The following DLGAP2 variants were observed in gnomAD, a reference collection of about 807,000 sequenced individuals.
The protein encoded by DLGAP2 is DLG associated protein 2.
Under a neutral mutation model 100.3 loss-of-function variants are expected in DLGAP2, and 26 were observed. That is an observed-to-expected ratio of 0.26 (90% CI 0.19 to 0.36). The LOEUF is 0.36. Among genes scored for constraint, DLGAP2 ranks in the 10% least tolerant of loss-of-function variants. DLGAP2 has a pLI of 1.00. For missense variants in DLGAP2, 1,858 were observed against 1,453.2 expected, an observed-to-expected ratio of 1.28 and a Z score of -4.53; for synonymous variants, 886 against 630.1, an observed-to-expected ratio of 1.41 and a Z score of -6.08.
At chr8:1,321,408 C>T (rs1016745649) in intron 3 of DLGAP2, among the ~76,000 whole-genome samples, 4 of 151,868 alleles carry the variant, frequency 2.6e-5, no homozygotes, top group African/African-American at 9.7e-5. Context: ...TGTGTGCATG[C>T]ATCCATGTGT....
rs147797555 is a variant in DLGAP2 at position 1,093,234 on chromosome 8, C to G, written c.74-165617C>G. 6.6e-5 allele frequency among the ~76,000 whole-genome samples: 10 copies of G among 152,058 alleles called. No individual in the cohort carries two copies. The East Asian group carries it at 1.7e-3, about 26-fold the overall frequency. ...AAACACCTTCACACCAACAGCCAGA[C>G]AGAAACACCTTCACACCCGCAGCCA... is the stretch of plus-strand genomic sequence containing the variant. On this transcript the variant is annotated intron_variant, in intron 2 of 14. Transcript: ENST00000637795.
At chr8:1,334,296 C>A (rs1248033816) in intron 3 of DLGAP2, among the ~76,000 whole-genome samples, 1 of 152,226 alleles carries the variant, frequency 6.6e-6, no homozygotes, top group Non-Finnish European at 1.5e-5. Flanking sequence ...GCAGCCCTGG[C>A]AGCTCCCTTA....
chr8:882,904 C>T (rs1007941109), intron 1 of DLGAP2, among the ~76,000 whole-genome samples: 1 of 152,228 alleles, frequency 6.6e-6, no homozygotes, highest in Admixed American at 6.5e-5. Flanking sequence ...TTTGTTGGGT[C>T]GGATCTCTGC....
chr8:826,136 T>C (rs1254393696), intron 1 of DLGAP2, among the ~76,000 whole-genome samples: 1 of 152,238 alleles, frequency 6.6e-6, no homozygotes, highest in East Asian at 1.9e-4. Flanking sequence ...TCCATCAATA[T>C]TGTTGCAAAT....
chr8:1,432,971 C>G (rs1273611137), intron 3 of DLGAP2, among the ~76,000 whole-genome samples: 1 of 152,172 alleles, frequency 6.6e-6, no homozygotes, highest in African/African-American at 2.4e-5. Context: ...GTGCTGCTGA[C>G]TGCTCCAGGA....
chr8:805,307 T>C (rs186868963), intron 1 of DLGAP2, among the ~76,000 whole-genome samples: 1 of 152,326 alleles, frequency 6.6e-6, no homozygotes, highest in East Asian at 1.9e-4. Flanking sequence ...TTCTTCTGGA[T>C]GGTTTCTTAG....
intron 1 of DLGAP2, among the ~76,000 whole-genome samples, chr8:789,534 C>T (rs1217838610): frequency 1.3e-5 from 2 of 152,176 alleles, no homozygotes; most frequent in Non-Finnish European, 2.9e-5. Flanking sequence ...AGACACAGAG[C>T]CAAACCATAT....
intron 2 of DLGAP2, chr8:1,019,609 C>G (rs559383002): frequency 9.4e-5 from 14 of 149,260 alleles, no homozygotes; most frequent in Non-Finnish European, 1.9e-4. Context: ...GCTGGAATTT[C>G]GTGATCTCTG....
At chr8:1,369,402 G>T (rs576115338) in intron 3 of DLGAP2, 6 of 152,314 alleles carry the variant, frequency 3.9e-5, no homozygotes, top group Admixed American at 3.9e-4. Flanking sequence ...CTTCCTGTAA[G>T]GACCCCAGTC....
At chr8:947,592 C>G (rs1381739262) in intron 2 of DLGAP2, among the ~76,000 whole-genome samples, 1 of 152,202 alleles carries the variant, frequency 6.6e-6, no homozygotes, top group Non-Finnish European at 1.5e-5. Flanking sequence ...CAGTCTCACA[C>G]CAACCGGCCC....
chr8:1,371,402 G>C (rs1802233488), intron 3 of DLGAP2, among the ~76,000 whole-genome samples: 1 of 152,218 alleles, frequency 6.6e-6, no homozygotes, highest in Admixed American at 6.5e-5. Context: ...CAGAAGTCAG[G>C]CGTGGTTCCT....
chr8:1,228,239 A>T (rs541518781), intron 2 of DLGAP2, among the ~76,000 whole-genome samples: 17 of 152,272 alleles, frequency 1.1e-4, no homozygotes, highest in African/African-American at 3.1e-4. Context: ...AAATAAAAAT[A>T]AAAAAATACA....
intron 2 of DLGAP2, among the ~76,000 whole-genome samples, chr8:1,107,512 G>A (rs1020224428): frequency 2.6e-5 from 4 of 152,332 alleles, no homozygotes; most frequent in African/African-American, 9.6e-5. Context: ...TCTTCACAGG[G>A]AGAGCCAGGG....
intron 1 of DLGAP2, among the ~76,000 whole-genome samples, chr8:804,569 C>T (rs775522553): frequency 2.6e-5 from 4 of 152,192 alleles, no homozygotes; most frequent in Non-Finnish European, 2.9e-5. Context: ...ACAATTTGTG[C>T]TTATTCGAAG....
chr8:900,801 G>A (rs939988820), intron 1 of DLGAP2, among the ~76,000 whole-genome samples: 6 of 152,178 alleles, frequency 3.9e-5, no homozygotes, highest in African/African-American at 1.4e-4. Flanking sequence ...GCAAGAGAAT[G>A]TCCCAGGAAG....
At chr8:1,421,823 G>T (rs1013507086) in intron 3 of DLGAP2, among the ~76,000 whole-genome samples, 3 of 152,048 alleles carry the variant, frequency 2.0e-5, no homozygotes, top group African/African-American at 7.2e-5. Context: ...AATTAGCCAG[G>T]TATGGTGGCA....
At chr8:1,381,155 G>A (rs952440098) in intron 3 of DLGAP2, 3 of 152,080 alleles carry the variant, frequency 2.0e-5, no homozygotes, top group South Asian at 2.1e-4. Context: ...ACGTGAACAC[G>A]GCTGGACAAG....
At chr8:936,470 C>G (rs1271550296) in intron 2 of DLGAP2, among the ~76,000 whole-genome samples, 1 of 152,196 alleles carries the variant, frequency 6.6e-6, no homozygotes, top group African/African-American at 2.4e-5. Flanking sequence ...GCCCAGCCGC[C>G]TCTCCCTCTC....
At chr8:1,678,186 C>T (rs369168684) in intron 11 of DLGAP2, 28 bp from the exon 12 acceptor site, 7 of 1,582,728 alleles carry the variant, frequency 4.4e-6, no homozygotes, top group African/African-American at 2.7e-5. Flanking sequence ...GAAGGGCTAC[C>T]ATCTGTCTTC....
Sources: gnomAD v4.1 joint callset for allele counts (sites outside exome capture counted in the v4.1 genomes callset) on GRCh38, gnomAD v4.1.1 for gene constraint, MANE v1.5 for transcripts, NCBI Gene and HGNC (gene_info 2026-07-23, HGNC 2026-07-21) for gene names.